Variants in TRIO observed in about 807,000 individuals in gnomAD.
TRIO encodes trio Rho guanine nucleotide exchange factor.
TRIO carries 58 observed loss-of-function variants against 351.9 expected under a neutral mutation model. The observed-to-expected ratio is 0.16, with a 90% CI of 0.13 to 0.21. The LOEUF (loss-of-function observed/expected upper bound fraction) is 0.21. Ranked by LOEUF, TRIO falls within the 10% of genes least tolerant of loss-of-function variation. The pLI is 1.00. For synonymous variants in TRIO, 1,758 were observed against 1,595.7 expected, an observed-to-expected ratio of 1.10 and a Z score of -2.42; for missense variants, 3,201 against 4,027.8, an observed-to-expected ratio of 0.79 and a Z score of 5.56.
Position 14,479,257 on chromosome 5 carries a change from C to T in TRIO, c.6154-4C>T, listed in dbSNP as rs1176561354. On this transcript the variant is annotated splice_polypyrimidine_tract_variant and splice_region_variant and intron_variant, in intron 41 of 56. Coordinates refer to ENST00000344204, the MANE Select transcript of TRIO (RefSeq NM_007118.4). ...ACCCAACTGTTTGCCTTTTTTATTC[C>T]TAGGAGAGAAGGTTGCACATGTACA... 3.1e-6 allele frequency: 5 copies of T among 1,612,804 alleles called. No homozygotes were observed. The highest frequency in any genetic ancestry group is 4.2e-6 in the Non-Finnish European group (5 of 1,179,234).
At chr5:14,455,102 G>A (rs914583902) in intron 34 of TRIO, among the ~76,000 whole-genome samples, 7 of 152,132 alleles carry the variant, frequency 4.6e-5, no homozygotes, top group South Asian at 2.1e-4. Context: ...AAGGCAGTGC[G>A]GACCCAAAGA....
intron 1 of TRIO, among the ~76,000 whole-genome samples, chr5:14,220,802 A>G (rs1176724252): frequency 6.6e-6 from 1 of 152,242 alleles, no homozygotes; most frequent in East Asian, 1.9e-4. Flanking sequence ...AAATCCTGAG[A>G]TTGAAGGAAG....
At chr5:14,318,387 G>A (rs1162811846) in intron 9 of TRIO, among the ~76,000 whole-genome samples, 4 of 150,840 alleles carry the variant, frequency 2.7e-5, no homozygotes, top group Admixed American at 6.6e-5. Flanking sequence ...CTGGGGAGGC[G>A]GAGGTTGCAG....
chr5:14,309,639 A>G lies in TRIO; in HGVS notation c.1500+5047A>G, dbSNP rs74680380. 5.3e-3 allele frequency among the ~76,000 whole-genome samples: 813 copies of G among 152,316 alleles called. 7 individuals carry two copies. The highest frequency in any genetic ancestry group is 0.018 in the African/African-American group (763 of 41,564). On this transcript the variant is annotated intron_variant, in intron 8 of 56. Coordinates refer to ENST00000344204, the MANE Select transcript of TRIO (RefSeq NM_007118.4). ...GCAGTGACTGATGCCAATGGTACAC[A>G]GATCACATGCTGAGCAGCACTCCTG...
chr5:14,491,118 C>G (rs1023302844), intron 48 of TRIO, among the ~76,000 whole-genome samples: 1 of 152,186 alleles, frequency 6.6e-6, no homozygotes, highest in African/African-American at 2.4e-5. Flanking sequence ...ATTCATAGCC[C>G]TGGCACCTGG....
chr5:14,482,735 T>C lies in TRIO; in HGVS notation c.6619T>C (p.Phe2207Leu). ...FSEPLDKKKG[F>L]SMPGFLFKNS... ...CGAACCACTTGATAAAAAGAAGGGCTTCTCCATGCCGGGATTCCTGTTTAA... is the reference window on the plus strand; with the variant it reads ...CGAACCACTTGATAAAAAGAAGGGCCTCTCCATGCCGGGATTCCTGTTTAA... The change falls in exon 46 of 57, where the codon TTC (phenylalanine) becomes CTC (leucine). Residue 2207 changes from phenylalanine to leucine, a missense_variant. Transcript: ENST00000344204. 1 of 1,608,420 alleles carries C rather than the reference T, an allele frequency of 6.2e-7. No homozygotes were observed. Among genetic ancestry groups the C allele is most frequent in the Non-Finnish European group, 8.5e-7 (1 of 1,176,708 alleles).
chr5:14,271,010 A>G (rs997368124), intron 2 of TRIO, 111 bp downstream of exon 2: 5 of 782,528 alleles, frequency 6.4e-6, no homozygotes, highest in South Asian at 1.7e-5. Context: ...TGGCATTTCT[A>G]TGAATTTTGA....
At chr5:14,302,556 G>A (rs940780307) in intron 7 of TRIO, among the ~76,000 whole-genome samples, 1 of 152,180 alleles carries the variant, frequency 6.6e-6, no homozygotes, top group Admixed American at 6.5e-5. Context: ...ATACTCAGTT[G>A]ACACTTAATG....
chr5:14,299,229 T>A (rs1299016159), intron 7 of TRIO, among the ~76,000 whole-genome samples: 1 of 152,174 alleles, frequency 6.6e-6, no homozygotes, highest in African/African-American at 2.4e-5. Flanking sequence ...CTGGATAAAA[T>A]GAATGAGTGT....
In TRIO at chr5:14,207,336, A is replaced by AGC. The variant is rs1435048064; in HGVS notation, c.157+63454_157+63455insGC. Among the ~76,000 whole-genome samples the AGC allele has an allele frequency of 4.3e-5, 3 of 69,842 alleles. 1 individual carries two copies. Among genetic ancestry groups the AGC allele is most frequent in the Non-Finnish European group, 8.4e-5 (3 of 35,716 alleles). The allele number at this position is 69,842 out of a possible 152,430, so 45.8% of individuals were successfully genotyped here. A position where few individuals can be genotyped will look rare whatever the true frequency, so the allele number is the denominator to read the frequency against. On this transcript the variant is annotated intron_variant, in intron 1 of 56. Transcript: ENST00000344204. ...CTGTCTCTCACACACACACACACAC[A>AGC]CACACACACACACACACACACACAC...
intron 1 of TRIO, among the ~76,000 whole-genome samples, chr5:14,238,549 C>G (rs986343416): frequency 3.9e-5 from 6 of 152,130 alleles, no homozygotes; most frequent in African/African-American, 1.4e-4. Context: ...ATGGGACACC[C>G]GAGGAGATAA....
intron 46 of TRIO, among the ~76,000 whole-genome samples, chr5:14,483,492 A>G (rs767602414): frequency 6.6e-6 from 1 of 152,116 alleles, no homozygotes; most frequent in South Asian, 2.1e-4. Context: ...GGGACAGGGA[A>G]CTCTCAGACC....
intron 18 of TRIO, among the ~76,000 whole-genome samples, chr5:14,373,753 GTTGT>G (rs749512722): frequency 1.4e-4 from 21 of 152,322 alleles, no homozygotes; most frequent in Non-Finnish European, 2.2e-4. Flanking sequence ...GCTTTCATCT[GTTGT>G]TTGTTTGAGT....
intron 34 of TRIO, among the ~76,000 whole-genome samples, chr5:14,449,173 G>A (rs960474917): frequency 1.3e-5 from 2 of 152,166 alleles, no homozygotes; most frequent in Non-Finnish European, 2.9e-5. Context: ...CCATCTGCCA[G>A]GCGAGCCATC....
rs30794 is a variant in TRIO, at chr5:14,387,380, G to C, written c.3571-58G>C. On this transcript the variant is annotated intron_variant, in intron 21 of 56. Coordinates refer to ENST00000344204, the MANE Select transcript of TRIO (RefSeq NM_007118.4). ...TTGGAGTCAAGTCGCCACTGTGTTT[G>C]AGGTTTCTGGCAGTCGGATTCATTT... 540,205 of 1,527,834 alleles carry C rather than the reference G, an allele frequency of 0.35. 105,768 individuals carry two copies. The highest frequency in any genetic ancestry group is 0.81 in the African/African-American group (58,768 of 72,364). The allele number at this position is 1,527,834 out of a possible 1,614,324, so 94.6% of individuals were successfully genotyped here.
rs371363639 is a variant in TRIO at position 14,364,720 on chromosome 5, T to C, written c.2658T>C (p.His886=). ...TRVQDLLEFL[H]EKQQELDLAA... The stretch of plus-strand genomic sequence containing the variant: ...TCCAGGACCTGCTGGAGTTTCTTCA[T>C]GAAAAACAGCAGGAATTGGATTTAG... Residue 886 remains histidine, a synonymous_variant, in exon 15 of 57, where the codon CAT becomes CAC. Transcript: ENST00000344204. The C allele has an allele frequency of 1.7e-5, 27 of 1,613,336 alleles. No individual in the cohort carries two copies. Among genetic ancestry groups the C allele is most frequent in the East Asian group, 8.9e-5 (4 of 44,900 alleles).
intron 6 of TRIO, among the ~76,000 whole-genome samples, chr5:14,294,062 T>C (rs1389348133): frequency 6.6e-6 from 1 of 151,886 alleles, no homozygotes; most frequent in African/African-American, 2.4e-5. Context: ...GGTGCACACC[T>C]GTAGTCCCAG....
At chr5:14,412,638 G>T (rs990351987) in intron 33 of TRIO, among the ~76,000 whole-genome samples, 1 of 152,212 alleles carries the variant, frequency 6.6e-6, no homozygotes, top group African/African-American at 2.4e-5. Flanking sequence ...CTCCTGGCCA[G>T]CTCAGGGCTC....
intron 8 of TRIO, among the ~76,000 whole-genome samples, chr5:14,305,668 A>T (rs1332474010): frequency 6.6e-6 from 1 of 152,138 alleles, no homozygotes; most frequent in East Asian, 1.9e-4. Context: ...TTTGCATTTC[A>T]TTCTGATATT....
Sources: gnomAD v4.1 joint callset for allele counts (sites outside exome capture counted in the v4.1 genomes callset) on GRCh38, gnomAD v4.1.1 for gene constraint, MANE v1.5 for transcripts, NCBI Gene and HGNC (gene_info 2026-07-23, HGNC 2026-07-21) for gene names.